Variants in CNTN3 observed in about 807,000 individuals in gnomAD.
CNTN3 encodes the protein contactin 3, also known as contactin-3.
A neutral mutation model predicts 119.1 loss-of-function variants in CNTN3; 60 were observed. The observed-to-expected ratio is 0.50, with a 90% CI of 0.41 to 0.62. The LOEUF (loss-of-function observed/expected upper bound fraction) is 0.62. Ranked by LOEUF, CNTN3 falls within the 20% of genes least tolerant of loss-of-function variation. CNTN3 has a pLI of 0.00. For missense variants in CNTN3, 1,101 were observed against 1,242.4 expected (o/e 0.89, Z 1.71); for synonymous variants, 450 against 438.7 (o/e 1.03, Z -0.32).
At chr3:74,599,221 A>C (rs1704865597) in intron 1 of CNTN3, among the ~76,000 whole-genome samples, 1 of 152,116 alleles carries the variant, frequency 6.6e-6, no homozygotes, top group South Asian at 2.1e-4. Context: ...TATGCCAGGC[A>C]CTGGGATACA....
rs997031842 is a variant in CNTN3 at position 74,337,055 on chromosome 3, A to G, written c.1365-397T>C. On this transcript the variant is annotated intron_variant, in intron 11 of 22. Transcript: ENST00000263665. ...AGAAATGCAAAGTAGGCAGAACACT[A>G]TGTCTCTTAAATTTGAAACAGTATA... Among the ~76,000 whole-genome samples, 7 of 152,304 alleles carry G rather than the reference A, an allele frequency of 4.6e-5. No individual in the cohort carries two copies. The East Asian group carries it at 1.3e-3, about 29-fold the overall frequency.
intron 20 of CNTN3, among the ~76,000 whole-genome samples, chr3:74,277,925 T>C (rs973865198): frequency 6.6e-6 from 1 of 151,714 alleles, no homozygotes; most frequent in African/African-American, 2.4e-5. Flanking sequence ...AGTTTCCAGA[T>C]ACAAGATTAA....
At chr3:74,366,799 T>TATATATATATATATATATATATAA (rs1344265725) in intron 8 of CNTN3, among the ~76,000 whole-genome samples, 5 of 134,110 alleles carry the variant, frequency 3.7e-5, no homozygotes, top group African/African-American at 1.4e-4. Flanking sequence ...TATATATATA[T>TATATATATATATATATATATATAA]ATATATATAA....
chr3:74,578,692 A>C (rs1704455467), intron 1 of CNTN3, among the ~76,000 whole-genome samples: 1 of 152,106 alleles, frequency 6.6e-6, no homozygotes, highest in African/African-American at 2.4e-5. Flanking sequence ...ACAAAATTTT[A>C]ATCTCTAGTT....
chr3:74,565,850 T>G (rs1334321994), intron 1 of CNTN3, among the ~76,000 whole-genome samples: 1 of 152,128 alleles, frequency 6.6e-6, no homozygotes, highest in East Asian at 1.9e-4. Flanking sequence ...CATTTTGACT[T>G]GTAGCTCCCA....
At chr3:74,445,047 A>G (rs1702026434) in intron 4 of CNTN3, among the ~76,000 whole-genome samples, 1 of 152,188 alleles carries the variant, frequency 6.6e-6, no homozygotes. Flanking sequence ...TCAGTAAAGT[A>G]TGTAGTGTCT....
chr3:74,292,328 G>C lies in CNTN3; in HGVS notation c.2517+2793C>G, dbSNP rs571810149. Among the ~76,000 whole-genome samples the C allele has an allele frequency of 3.4e-3, 523 of 152,340 alleles. 5 individuals carry two copies. The highest frequency in any genetic ancestry group is 0.01 in the African/African-American group (431 of 41,570). Reference sequence around the variant, plus strand: ...GCCTGTAATCCCAGCACTTTGGGAGGCCAAGGCAGGCAGATCACCTGAGGT... The same window carrying C: ...GCCTGTAATCCCAGCACTTTGGGAGCCCAAGGCAGGCAGATCACCTGAGGT... On this transcript the variant is annotated intron_variant, in intron 19 of 22. Coordinates refer to ENST00000263665, the MANE Select transcript of CNTN3 (RefSeq NM_020872.3).
At chr3:74,484,521 G>A (rs1322221393) in intron 4 of CNTN3, among the ~76,000 whole-genome samples, 2 of 151,958 alleles carry the variant, frequency 1.3e-5, no homozygotes, top group African/African-American at 4.8e-5. Context: ...TATATAAAAG[G>A]AAACTCTCCT....
At chr3:74,539,285 A>C (rs965931059) in intron 1 of CNTN3, among the ~76,000 whole-genome samples, 3 of 152,128 alleles carry the variant, frequency 2.0e-5, no homozygotes, top group African/African-American at 7.2e-5. Flanking sequence ...GTGCTAAGAA[A>C]TGTTTCTTTT....
chr3:74,525,193 T>C (rs1269947604), intron 1 of CNTN3, among the ~76,000 whole-genome samples: 1 of 151,818 alleles, frequency 6.6e-6, no homozygotes, highest in Non-Finnish European at 1.5e-5. Flanking sequence ...CACAAATTCG[T>C]AGAAATTAGA....
At chr3:74,595,725 C>G (rs1458696080) in intron 1 of CNTN3, among the ~76,000 whole-genome samples, 2 of 152,072 alleles carry the variant, frequency 1.3e-5, no homozygotes, top group African/African-American at 4.8e-5. Context: ...AAACCCACAG[C>G]CAATATCATA....
intron 2 of CNTN3, among the ~76,000 whole-genome samples, chr3:74,511,249 G>A (rs1171810288): frequency 2.0e-5 from 3 of 152,104 alleles, no homozygotes; most frequent in Non-Finnish European, 4.4e-5. Context: ...CATATTGACA[G>A]AGCACAATTT....
intron 4 of CNTN3, among the ~76,000 whole-genome samples, chr3:74,458,413 T>A (rs1702307581): frequency 1.3e-5 from 2 of 151,840 alleles, no homozygotes; most frequent in South Asian, 2.1e-4. Context: ...GGAAAAAAAA[T>A]CAAAGGAATA....
At chr3:74,317,464 A>C (rs1200135371) in intron 13 of CNTN3, among the ~76,000 whole-genome samples, 1 of 152,172 alleles carries the variant, frequency 6.6e-6, no homozygotes, top group Non-Finnish European at 1.5e-5. Flanking sequence ...ATGTTTTTGC[A>C]GTGGCTGGTA....
At chr3:74,322,616 A>G (rs548491702) in intron 13 of CNTN3, among the ~76,000 whole-genome samples, 1 of 152,318 alleles carries the variant, frequency 6.6e-6, no homozygotes, top group Non-Finnish European at 1.5e-5. Context: ...TACTCCTACC[A>G]TAAGATCCAG....
intron 1 of CNTN3, among the ~76,000 whole-genome samples, chr3:74,557,012 GTT>G (rs1234617030): frequency 6.6e-6 from 1 of 152,032 alleles, no homozygotes; most frequent in African/African-American, 2.4e-5. Context: ...CATCGTGAGA[GTT>G]TTTTTGTATT....
In CNTN3 at chr3:74,560,151, A is replaced by C. The variant is rs1395331746; in HGVS notation, c.-80-38959T>G. Among the ~76,000 whole-genome samples the C allele has an allele frequency of 3.3e-5, 5 of 152,188 alleles. No homozygotes were observed. The East Asian group carries it at 9.6e-4, about 29-fold the overall frequency. ...TCAGCAGCACACTCACTGGCTAGAT[A>C]CCATCAAGCACATCATCACACTCTT... On this transcript the variant is annotated intron_variant, in intron 1 of 22. Coordinates refer to ENST00000263665, the MANE Select transcript of CNTN3 (RefSeq NM_020872.3).
At chr3:74,434,656 G>C (rs1188726548) in intron 4 of CNTN3, among the ~76,000 whole-genome samples, 2 of 152,118 alleles carry the variant, frequency 1.3e-5, no homozygotes, top group African/African-American at 4.8e-5. Context: ...TTGATCCACA[G>C]GTTCCCCATC....
chr3:74,513,198 A>G (rs1703398770), intron 2 of CNTN3, among the ~76,000 whole-genome samples: 1 of 152,152 alleles, frequency 6.6e-6, no homozygotes, highest in Non-Finnish European at 1.5e-5. Flanking sequence ...CCATGAACAA[A>G]GTAAAAAAGG....
Sources: gnomAD v4.1 joint callset for allele counts (sites outside exome capture counted in the v4.1 genomes callset) on GRCh38, gnomAD v4.1.1 for gene constraint, MANE v1.5 for transcripts, NCBI Gene and HGNC (gene_info 2026-07-23, HGNC 2026-07-21) for gene names.